Variants in ALG10B observed in about 807,000 individuals in gnomAD.
ALG10B encodes the protein ALG10 alpha-1,2-glucosyltransferase B.
ALG10B carries 27 observed loss-of-function variants against 38.7 expected under a neutral mutation model. That is an observed-to-expected ratio of 0.70 (90% confidence interval 0.51 to 0.96). The LOEUF (loss-of-function observed/expected upper bound fraction) is 0.96. ALG10B is among the 40% of genes least tolerant of loss of function. ALG10B has a pLI of 0.00. For synonymous variants in ALG10B, 177 were observed against 193.3 expected (o/e 0.92, Z 0.70); for missense variants, 522 against 542.7 (o/e 0.96, Z 0.38).
rs1945702675 is a variant in ALG10B at position 38,321,234 on chromosome 12, GTAAAAATGGACTTAA to G, written c.*25_*39del. The stretch of plus-strand genomic sequence containing the variant: ...GGTAATATCAGTGATATTTTGAACT[GTAAAAATGGACTTAA>G]TAATTAGACCATTTCTACAAAGAAC... On this transcript the variant is annotated 3_prime_UTR_variant, in exon 3 of 3. Coordinates refer to ENST00000308742, the MANE Select transcript of ALG10B (RefSeq NM_001013620.4). 6.3e-7 allele frequency: 1 copy of G among 1,599,974 alleles called. No individual in the cohort carries two copies. Among genetic ancestry groups the G allele is most frequent in the South Asian group, 1.1e-5 (1 of 88,756 alleles).
In ALG10B at chr12:38,323,251, T is replaced by G. The variant is rs1428548966; in HGVS notation, c.*2038T>G. 1 of 152,280 alleles carries G rather than the reference T, an allele frequency of 6.6e-6. No homozygotes were observed. The highest frequency in any genetic ancestry group is 1.5e-5 in the Non-Finnish European group (1 of 68,118). 9.4% of individuals were successfully genotyped at this position (152,280 alleles called of 1,614,324 possible). A position where few individuals can be genotyped will look rare whatever the true frequency, so the allele number is the denominator to read the frequency against. On this transcript the variant is annotated 3_prime_UTR_variant, in exon 3 of 3. Transcript: ENST00000308742. ...GTAATATAAAGCTAAAGGTGACTAG[T>G]GTTTGATTCCATTATCTATTAAAAA...
In ALG10B at chr12:38,326,184, T is replaced by C. The variant is rs1270445997; in HGVS notation, c.*4971T>C. On this transcript the variant is annotated 3_prime_UTR_variant, in exon 3 of 3. Coordinates refer to ENST00000308742, the MANE Select transcript of ALG10B (RefSeq NM_001013620.4). ...GATATTTTGTGATTTTATTTTATTTTATTTTATTTATTATTTTATTTTATT... is the reference window on the plus strand; with the variant it reads ...GATATTTTGTGATTTTATTTTATTTCATTTTATTTATTATTTTATTTTATT... The C allele has an allele frequency of 2.6e-5, 4 of 151,340 alleles. No homozygotes were observed. The highest frequency in any genetic ancestry group is 9.6e-5 in the African/African-American group (4 of 41,486). 9.4% of individuals were successfully genotyped at this position (151,340 alleles called of 1,614,324 possible).
chr12:38,319,062 A>G (rs557833683), intron 2 of ALG10B, among the ~76,000 whole-genome samples: 7 of 152,352 alleles, frequency 4.6e-5, no homozygotes, highest in African/African-American at 1.4e-4. Context: ...CTCAGTAAAT[A>G]TTAACTCTAA....
rs1945755076 is a variant in ALG10B, at chr12:38,327,495, AT to A, written c.*6285del. On this transcript the variant is annotated 3_prime_UTR_variant, in exon 3 of 3. Transcript: ENST00000308742. ...TTATATTTCTATGAGGCAGATGTTG[AT>A]TTCTCTTTGACTGCTGAAGAAACTG... is the stretch of plus-strand genomic sequence containing the variant. The A allele has an allele frequency of 2.6e-5, 4 of 152,118 alleles. No individual in the cohort carries two copies. Among genetic ancestry groups the A allele is most frequent in the Non-Finnish European group, 5.9e-5 (4 of 68,026 alleles). The allele number at this position is 152,118 out of a possible 1,614,324, so 9.4% of individuals were successfully genotyped here. A position where few individuals can be genotyped will look rare whatever the true frequency, so the allele number is the denominator to read the frequency against.
In ALG10B at chr12:38,316,922, C is replaced by T. The variant is rs1945660282; in HGVS notation, c.29C>T (p.Ser10Leu). MAQLEGYCF[S>L]AALSCTFLVS... ...GCGCAGCTAGAGGGTTACTGTTTCT[C>T]GGCCGCCTTGAGCTGTACCTTTTTA... The change falls in exon 1 of 3, where the codon TCG (serine) becomes TTG (leucine). Residue 10 changes from serine (S) to leucine (L), a missense_variant. By Grantham distance (145) the Ser-to-Leu change is moderately radical (BLOSUM62 -2). Coordinates refer to ENST00000308742, the MANE Select transcript of ALG10B (RefSeq NM_001013620.4). 1.9e-6 allele frequency: 3 copies of T among 1,614,166 alleles called. No homozygotes were observed. Among genetic ancestry groups the T allele is most frequent in the Non-Finnish European group, 2.5e-6 (3 of 1,180,028 alleles).
Position 38,316,822 on chromosome 12 carries a change from G to A in ALG10B, c.-72G>A. 1 of 1,612,990 alleles carries A rather than the reference G, an allele frequency of 6.2e-7. No homozygotes were observed. The highest frequency in any genetic ancestry group is 8.5e-7 in the Non-Finnish European group (1 of 1,179,740). On this transcript the variant is annotated 5_prime_UTR_variant, in exon 1 of 3. Coordinates refer to ENST00000308742, the MANE Select transcript of ALG10B (RefSeq NM_001013620.4). ...TCTAGCGCGCCCATTTCGAGCCCAA[G>A]TTTCCAGCTCGGGTTTCCGGGCTCA...
chr12:38,316,751 C>G, upstream of ALG10B: 1 of 1,416,192 alleles, frequency 7.1e-7, no homozygotes, highest in South Asian at 1.2e-5. Context: ...CGCGCTCTCC[C>G]AGCATCCTTT....
In ALG10B at chr12:38,318,464, T is replaced by C; in HGVS notation, c.369+6T>C. On this transcript the variant is annotated splice_donor_region_variant and intron_variant, in intron 2 of 2. Coordinates refer to ENST00000308742, the MANE Select transcript of ALG10B (RefSeq NM_001013620.4). ...AGGTACAACCCAGAAACAAGGTATG[T>C]TTCAAAATACTTAATTACAAGTTTA... The C allele has an allele frequency of 6.2e-7, 1 of 1,613,266 alleles. No individual in the cohort carries two copies. The highest frequency in any genetic ancestry group is 1.7e-4 in the Middle Eastern group (1 of 6,058).
rs943390610 is a variant in ALG10B, at chr12:38,321,796, A to G, written c.*583A>G. The G allele has an allele frequency of 6.5e-6, 1 of 152,684 alleles. No homozygotes were observed. The highest frequency in any genetic ancestry group is 1.5e-5 in the Non-Finnish European group (1 of 68,052). 9.5% of individuals were successfully genotyped at this position (152,684 alleles called of 1,614,324 possible). A position where few individuals can be genotyped will look rare whatever the true frequency, so the allele number is the denominator to read the frequency against. On this transcript the variant is annotated 3_prime_UTR_variant, in exon 3 of 3. Coordinates refer to ENST00000308742, the MANE Select transcript of ALG10B (RefSeq NM_001013620.4). The stretch of plus-strand genomic sequence containing the variant: ...AGTAAATGATAAAGTAGAGACTCAT[A>G]TATGTCTGTCTAGGCATCAAATTGT...
Position 38,320,556 on chromosome 12 carries a change from G to T in ALG10B, c.765G>T (p.Trp255Cys), listed in dbSNP as rs753522378. 1.9e-6 allele frequency: 3 copies of T among 1,614,014 alleles called. No homozygotes were observed. Among genetic ancestry groups the T allele is most frequent in the Admixed American group, 3.3e-5 (2 of 60,000 alleles). The stretch of plus-strand genomic sequence containing the variant: ...TGAGTATGCTTTTCTGTTTGACTTG[G>T]CCCTACATCCTTCTGGGATTTCTGT... ...KNLSMLFCLT[W>C]PYILLGFLFC... Residue 255 changes from tryptophan (W) to cysteine (C), a missense_variant, in exon 3 of 3, where the codon TGG becomes TGT. By Grantham distance (215) the Trp-to-Cys change is radical (BLOSUM62 -2). Coordinates refer to ENST00000308742, the MANE Select transcript of ALG10B (RefSeq NM_001013620.4).
rs1366211342 is a variant in ALG10B, at chr12:38,321,885, G to C, written c.*672G>C. ...CACTAATTCCTAATATGAAATGTAT[G>C]ATGGCCAAAGACAAATTGTGTTGAT... On this transcript the variant is annotated 3_prime_UTR_variant, in exon 3 of 3. Coordinates refer to ENST00000308742, the MANE Select transcript of ALG10B (RefSeq NM_001013620.4). 6.6e-6 allele frequency: 1 copy of C among 152,332 alleles called. No individual in the cohort carries two copies. Among genetic ancestry groups the C allele is most frequent in the Non-Finnish European group, 1.5e-5 (1 of 68,012 alleles). The allele number at this position is 152,332 out of a possible 1,614,324, so 9.4% of individuals were successfully genotyped here.
In ALG10B at chr12:38,316,866, T is replaced by C; in HGVS notation, c.-28T>C. On this transcript the variant is annotated 5_prime_UTR_variant, in exon 1 of 3. Transcript: ENST00000308742. ...GGGCTCAGAATTTTCCAGGAGTGGG[T>C]TCTTGGGCAGTGGCTGTGGGAGCAG... 1 of 1,613,888 alleles carries C rather than the reference T, an allele frequency of 6.2e-7. No homozygotes were observed. Among genetic ancestry groups the C allele is most frequent in the African/African-American group, 1.3e-5 (1 of 74,984 alleles).
rs901627709 is a variant in ALG10B, at chr12:38,328,148, C to A, written c.*6935C>A. ...AATGTCTTTTAAAGGTATCTGACAT[C>A]TTTAAAGCTCTGTAATTTTTAAATT... On this transcript the variant is annotated 3_prime_UTR_variant, in exon 3 of 3. Coordinates refer to ENST00000308742, the MANE Select transcript of ALG10B (RefSeq NM_001013620.4). The A allele has an allele frequency of 2.6e-5, 4 of 152,144 alleles. No homozygotes were observed. The highest frequency in any genetic ancestry group is 4.4e-5 in the Non-Finnish European group (3 of 68,010). The allele number at this position is 152,144 out of a possible 1,614,324, so 9.4% of individuals were successfully genotyped here.
Position 38,326,924 on chromosome 12 carries a change from G to C in ALG10B, c.*5711G>C, listed in dbSNP as rs1483166498. Reference sequence around the variant, plus strand: ...ATCTCTATATTGTGCTTTTTTAAGAGATAAATTTTTGATGAATTTAATGTT... The same window carrying C: ...ATCTCTATATTGTGCTTTTTTAAGACATAAATTTTTGATGAATTTAATGTT... On this transcript the variant is annotated 3_prime_UTR_variant, in exon 3 of 3. Transcript: ENST00000308742. 6.6e-6 allele frequency: 1 copy of C among 151,026 alleles called. No homozygotes were observed. The highest frequency in any genetic ancestry group is 1.5e-5 in the Non-Finnish European group (1 of 67,786). The allele number at this position is 151,026 out of a possible 1,614,324, so 9.4% of individuals were successfully genotyped here.
chr12:38,321,007 G>A lies in ALG10B; in HGVS notation c.1216G>A (p.Val406Ile). Residue 406 changes from valine (V) to isoleucine (I), a missense_variant, in exon 3 of 3, where the codon GTT becomes ATT. Val to Ile is a conservative substitution (Grantham distance 29). Coordinates refer to ENST00000308742, the MANE Select transcript of ALG10B (RefSeq NM_001013620.4). ...NLMFFICLFI[V>I]IVPQKLLEFR... is the part of the protein sequence containing the mutation. ...AATGTTTTTCATATGCTTGTTCATT[G>A]TTATAGTTCCTCAGAAACTGCTGGA... 6.2e-7 allele frequency: 1 copy of A among 1,613,148 alleles called. No individual in the cohort carries two copies. Among genetic ancestry groups the A allele is most frequent in the Non-Finnish European group, 8.5e-7 (1 of 1,179,696 alleles).
rs1945735475 is a variant in ALG10B at position 38,325,377 on chromosome 12, G to A, written c.*4164G>A. The A allele has an allele frequency of 6.6e-6, 1 of 152,136 alleles. No individual in the cohort carries two copies. Among genetic ancestry groups the A allele is most frequent in the African/African-American group, 2.4e-5 (1 of 41,436 alleles). The allele number at this position is 152,136 out of a possible 1,614,324, so 9.4% of individuals were successfully genotyped here. On this transcript the variant is annotated 3_prime_UTR_variant, in exon 3 of 3. Transcript: ENST00000308742. Reference sequence around the variant, plus strand: ...ATGTATTTCTAGTTTGAACTTAATTGCCACTTGGCTTGATATTATTTTCCT... The same window carrying A: ...ATGTATTTCTAGTTTGAACTTAATTACCACTTGGCTTGATATTATTTTCCT...
chr12:38,321,022 A>G lies in ALG10B; in HGVS notation c.1231A>G (p.Lys411Glu). The G allele has an allele frequency of 6.2e-7, 1 of 1,613,074 alleles. No individual in the cohort carries two copies. Among genetic ancestry groups the G allele is most frequent in the South Asian group, 1.1e-5 (1 of 90,728 alleles). The change falls in exon 3 of 3, where the codon AAA (lysine) becomes GAA (glutamate). Residue 411 changes from lysine (K) to glutamate (E), a missense_variant. Lys to Glu is a moderately conservative substitution (Grantham distance 56, BLOSUM62 1). Coordinates refer to ENST00000308742, the MANE Select transcript of ALG10B (RefSeq NM_001013620.4). The part of the protein sequence containing the change: ...ICLFIVIVPQ[K>E]LLEFRYFILP... Reference sequence around the variant, plus strand: ...CTTGTTCATTGTTATAGTTCCTCAGAAACTGCTGGAATTTCGTTACTTCAT... The same window carrying G: ...CTTGTTCATTGTTATAGTTCCTCAGGAACTGCTGGAATTTCGTTACTTCAT...
intron 2 of ALG10B, 87 bp from the exon 3 acceptor site, chr12:38,320,071 TGAG>T: frequency 6.7e-7 from 1 of 1,484,610 alleles, no homozygotes; most frequent in South Asian, 1.2e-5. Flanking sequence ...TTTGAGTAGT[TGAG>T]TAGTTTTAAA....
In ALG10B at chr12:38,328,796, A is replaced by C. The variant is rs1201037534; in HGVS notation, c.*7583A>C. 1 of 162,562 alleles carries C rather than the reference A, an allele frequency of 6.2e-6. No individual in the cohort carries two copies. Among genetic ancestry groups the C allele is most frequent in the African/African-American group, 2.4e-5 (1 of 42,022 alleles). 10.1% of individuals were successfully genotyped at this position (162,562 alleles called of 1,614,324 possible). Reference sequence around the variant, plus strand: ...GCATATGGCATACTTCATTCATATGACATAGTTAGAATCTTTTCCCACAAA... The same window carrying C: ...GCATATGGCATACTTCATTCATATGCCATAGTTAGAATCTTTTCCCACAAA... On this transcript the variant is annotated 3_prime_UTR_variant, in exon 3 of 3. Transcript: ENST00000308742.
Sources: allele counts gnomAD v4.1 joint callset (sites outside exome capture counted in the v4.1 genomes callset), GRCh38; gene constraint gnomAD v4.1.1; transcripts MANE v1.5; gene names NCBI Gene and HGNC (gene_info 2026-07-23, HGNC 2026-07-21).